Variants in DHRS12 observed in about 807,000 individuals in gnomAD.
DHRS12 encodes the protein dehydrogenase/reductase SDR family member 12.
Under a neutral mutation model 32.1 loss-of-function variants are expected in DHRS12, and 29 were observed. The observed-to-expected ratio is 0.90, with a 90% confidence interval of 0.67 to 1.23. The LOEUF is 1.23. Ranked by LOEUF, DHRS12 falls within the 50% of genes most tolerant of loss-of-function variation. DHRS12 has a pLI of 0.00. For synonymous variants in DHRS12, 150 were observed against 135.9 expected, an observed-to-expected ratio of 1.10 and a Z score of -0.72; for missense variants, 330 against 337.2, an observed-to-expected ratio of 0.98 and a Z score of 0.17.
At chr13:51,801,408 G>A (rs1446183956) in intron 1 of DHRS12, among the ~76,000 whole-genome samples, 4 of 152,032 alleles carry the variant, frequency 2.6e-5, no homozygotes, top group African/African-American at 7.2e-5. Context: ...TGCTGGTCTC[G>A]AACACCTGAC....
At chr13:51,788,712 T>G (rs576983846) in intron 4 of DHRS12, among the ~76,000 whole-genome samples, 5 of 151,900 alleles carry the variant, frequency 3.3e-5, no homozygotes, top group African/African-American at 1.2e-4. Context: ...TTAAAAAAAA[T>G]TAGTCAGGCA....
In DHRS12 at chr13:51,790,091, A is replaced by T; in HGVS notation, c.221T>A (p.Ile74Asn). The T allele has an allele frequency of 6.3e-7, 1 of 1,577,286 alleles. No homozygotes were observed. Among genetic ancestry groups the T allele is most frequent in the Non-Finnish European group, 8.6e-7 (1 of 1,168,556 alleles). ...FKQEHKLHVLINNAGCMVNKR... is the reference protein window; with the variant it reads ...FKQEHKLHVLNNNAGCMVNKR... ...ATTGACCATGCAACCTGCATTATTG[A>T]TCTAAAATTTATAGTTCTCATTTCA... Residue 74 changes from isoleucine (I) to asparagine (N), a missense_variant and splice_region_variant, in exon 4 of 9, where the codon ATC becomes AAC. Ile to Asn is a moderately radical substitution (Grantham distance 149). Coordinates refer to ENST00000444610, the MANE Select transcript of DHRS12 (RefSeq NM_001377533.1).
At chr13:51,797,470 C>A (rs927281055) in intron 2 of DHRS12, among the ~76,000 whole-genome samples, 3 of 152,192 alleles carry the variant, frequency 2.0e-5, no homozygotes, top group Non-Finnish European at 4.4e-5. Context: ...CGGGTCAATG[C>A]ATGGCTCCGT....
At chr13:51,779,060 T>C (rs1221490208) in intron 4 of DHRS12, among the ~76,000 whole-genome samples, 1 of 152,068 alleles carries the variant, frequency 6.6e-6, no homozygotes, top group East Asian at 1.9e-4. Flanking sequence ...CATCTCCCTT[T>C]TCTTGAGTCA....
chr13:51,794,617 T>G (rs986022668), intron 2 of DHRS12, among the ~76,000 whole-genome samples: 1 of 152,122 alleles, frequency 6.6e-6, no homozygotes, highest in African/African-American at 2.4e-5. Context: ...CCTGCAGGAC[T>G]GAAAAATGTT....
In DHRS12 at chr13:51,790,045, A is replaced by T; in HGVS notation, c.267T>A (p.Asp89Glu). 3 of 1,604,542 alleles carry T rather than the reference A, an allele frequency of 1.9e-6. No individual in the cohort carries two copies. Among genetic ancestry groups the T allele is most frequent in the Non-Finnish European group, 2.5e-6 (3 of 1,177,174 alleles). Reference sequence around the variant, plus strand: ...TGGCAGCAAAGTTTTTTTCAAGTCCATCTTCTGTGAGCTCTCTTTTATTGA... The same window carrying T: ...TGGCAGCAAAGTTTTTTTCAAGTCCTTCTTCTGTGAGCTCTCTTTTATTGA... ...CMVNKRELTE[D>E]GLEKNFAANT... The change falls in exon 4 of 9, where the codon GAT becomes GAA. Residue 89 changes from aspartate to glutamate, a missense_variant. By Grantham distance (45) the Asp-to-Glu change is conservative. Transcript: ENST00000444610.
chr13:51,768,253 G>C lies in DHRS12; in HGVS notation c.741C>G (p.Ser247=), dbSNP rs1346872381. ...VSTHLPLATA[S]SSPAEEEKLI... is the part of the protein sequence containing the mutation. ...GTTTCTCCTCTTCGGCCGGTGAGGAGGACGCTGTAGCGAGAGGCAAGTGTG... is the reference window on the plus strand; with the variant it reads ...GTTTCTCCTCTTCGGCCGGTGAGGACGACGCTGTAGCGAGAGGCAAGTGTG... The change falls in exon 9 of 9, where the codon TCC becomes TCG. Residue 247 remains serine (S), a synonymous_variant. Transcript: ENST00000444610. The C allele has an allele frequency of 4.6e-6, 7 of 1,536,008 alleles. No homozygotes were observed. The East Asian group carries it at 7.3e-5, about 16-fold the overall frequency.
chr13:51,768,212 TC>T lies in DHRS12; in HGVS notation c.781del (p.Glu261AsnfsTer34), dbSNP rs1953838615. 1.4e-5 allele frequency: 22 copies of T among 1,536,122 alleles called. No homozygotes were observed. Among genetic ancestry groups the T allele is most frequent in the Non-Finnish European group, 1.8e-5 (21 of 1,146,906 alleles). On this transcript the variant is annotated frameshift_variant, in exon 9 of 9. Transcript: ENST00000444610. LOFTEE classifies it high-confidence loss of function. ...CTATTTAAATGTCTGAGCCAGCTGT[TC>T]CAGGATTTCAATGAGTTTCTCCTCT... ...AEEEKLIEIL[E>X]QLAQTFK
chr13:51,759,839 G>C, the DHRS12 span: 4 of 1,485,532 alleles, frequency 2.7e-6, no homozygotes, highest in Non-Finnish European at 3.7e-6. Flanking sequence ...ATCATTACCA[G>C]AGTGGTAAAG....
At chr13:51,757,146 C>T in the DHRS12 span, among the ~76,000 whole-genome samples, 210 of 152,266 alleles carry the variant, frequency 1.4e-3, 1 homozygote, top group Non-Finnish European at 1.6e-3. Flanking sequence ...CCTTGTATTA[C>T]AGTAAAATCA....
At chr13:51,784,140 C>T (rs1954844457) in intron 4 of DHRS12, among the ~76,000 whole-genome samples, 1 of 152,198 alleles carries the variant, frequency 6.6e-6, no homozygotes, top group Non-Finnish European at 1.5e-5. Context: ...TACAACCCTG[C>T]TCAGTGCAGC....
Position 51,773,943 on chromosome 13 carries a change from T to C in DHRS12, c.455A>G (p.Tyr152Cys), listed in dbSNP as rs1471412008. ...ERTPFDGTMV[Y>C]AQNKRQQVVL... ...CACCTCACTGACCTTGTTTTGTGCA[T>C]AGACCATAGTTCCATCAAATGGTGT... Residue 152 changes from tyrosine to cysteine, a missense_variant, in exon 6 of 9, where the codon TAT (tyrosine) becomes TGT (cysteine). Coordinates refer to ENST00000444610, the MANE Select transcript of DHRS12 (RefSeq NM_001377533.1). 1 of 1,614,020 alleles carries C rather than the reference T, an allele frequency of 6.2e-7. No individual in the cohort carries two copies. Among genetic ancestry groups the C allele is most frequent in the Admixed American group, 1.7e-5 (1 of 60,026 alleles).
intron 4 of DHRS12, 192 bp downstream of exon 4, chr13:51,789,819 C>T (rs74803263): frequency 1.0e-6 from 1 of 985,270 alleles, no homozygotes; most frequent in Non-Finnish European, 1.2e-6. Context: ...GGCACCAACA[C>T]CTATTATAAG....
rs763493866 is a variant in DHRS12 at position 51,777,127 on chromosome 13, G to A, written c.302-6C>T. On this transcript the variant is annotated splice_polypyrimidine_tract_variant and splice_region_variant and intron_variant, in intron 4 of 8. Transcript: ENST00000444610. ...GGTCGTGAGAATGTACACACCTGAG[G>A]CAGCACACAGCATCCCATGAGGGGG... 20 of 1,613,852 alleles carry A rather than the reference G, an allele frequency of 1.2e-5. No homozygotes were observed. Among genetic ancestry groups the A allele is most frequent in the Non-Finnish European group, 1.7e-5 (20 of 1,180,024 alleles).
At chr13:51,803,782 G>A (rs936220490) in intron 1 of DHRS12, 1 of 301,256 alleles carries the variant, frequency 3.3e-6, no homozygotes, top group Non-Finnish European at 6.1e-6. Flanking sequence ...GCCGCCTGAC[G>A]TCAGTGGGAC....
At chr13:51,798,015 G>T in intron 2 of DHRS12, 1 of 1,151,918 alleles carries the variant, frequency 8.7e-7, no homozygotes, top group Non-Finnish European at 1.2e-6. Context: ...ACACTCTTCT[G>T]TTAAGCCTAG....
At chr13:51,777,287 T>C (rs2139044020) in intron 4 of DHRS12, 166 bp from the exon 5 acceptor site, 2 of 661,302 alleles carry the variant, frequency 3.0e-6, no homozygotes, top group East Asian at 2.7e-5. Context: ...AGCCAAATGT[T>C]CCTTTTCCCA....
chr13:51,798,228 C>G (rs1184667644), intron 2 of DHRS12, among the ~76,000 whole-genome samples: 1 of 152,142 alleles, frequency 6.6e-6, no homozygotes, highest in Non-Finnish European at 1.5e-5. Context: ...ATGTGTTAAA[C>G]CTGGCTGCAC....
chr13:51,768,816 C>T (rs953166995), intron 8 of DHRS12: 2 of 1,270,098 alleles, frequency 1.6e-6, no homozygotes, highest in Non-Finnish European at 2.0e-6. Flanking sequence ...AAGCAGAGTC[C>T]GTTACTCCCT....
Sources: allele counts gnomAD v4.1 joint callset (sites outside exome capture counted in the v4.1 genomes callset), GRCh38; gene constraint gnomAD v4.1.1; transcripts MANE v1.5; gene names NCBI Gene and HGNC (gene_info 2026-07-23, HGNC 2026-07-21).